Variants in HGF observed in about 807,000 individuals in gnomAD.
HGF encodes hepatocyte growth factor.
Under a neutral mutation model 111.6 loss-of-function variants are expected in HGF, and 39 were observed. That is an observed-to-expected ratio of 0.35 (90% CI 0.27 to 0.46). The LOEUF (loss-of-function observed/expected upper bound fraction) is 0.46, where lower values mean the gene tolerates loss of function less well. Ranked by LOEUF, HGF falls within the 20% of genes least tolerant of loss-of-function variation. The pLI, the probability that HGF is intolerant of heterozygous loss-of-function variation, is 1.00. For missense variants in HGF, 735 were observed against 910.5 expected, an observed-to-expected ratio of 0.81 and a Z score of 2.48; for synonymous variants, 285 against 294.8, an observed-to-expected ratio of 0.97 and a Z score of 0.34.
rs1418462868 is a variant in HGF at position 81,702,655 on chromosome 7, T to C, written c.2113A>G (p.Ile705Val). The C allele has an allele frequency of 3.1e-6, 5 of 1,611,656 alleles. No homozygotes were observed. The highest frequency in any genetic ancestry group is 2.7e-5 in the African/African-American group (2 of 74,882). The change falls in exon 18 of 18, where the codon ATT becomes GTT. Residue 705 changes from isoleucine to valine, a missense_variant. Coordinates refer to ENST00000222390, the MANE Select transcript of HGF (RefSeq NM_000601.6). Reference sequence around the variant, plus strand: ...GCATAATATGCTACTCGGACAAAAATACCAGGACGATTTGGAATGGCACAT... The same window carrying C: ...GCATAATATGCTACTCGGACAAAAACACCAGGACGATTTGGAATGGCACAT... ...RGCAIPNRPGIFVRVAYYAKW... is the reference protein window; with the variant it reads ...RGCAIPNRPGVFVRVAYYAKW...
intron 5 of HGF, among the ~76,000 whole-genome samples, chr7:81,747,120 C>T (rs945622559): frequency 3.3e-5 from 5 of 152,100 alleles, no homozygotes; most frequent in South Asian, 2.1e-4. Flanking sequence ...GGGCGGATCA[C>T]GAGGTCAGGA....
intron 4 of HGF, among the ~76,000 whole-genome samples, chr7:81,754,726 G>GTT (rs199817195): frequency 1.9e-4 from 29 of 150,716 alleles, no homozygotes; most frequent in South Asian, 4.2e-4. Flanking sequence ...TAAATTAACT[G>GTT]TTTTTTTTTG....
At chr7:81,729,023 T>TAAACAG (rs1379228136) in intron 8 of HGF, among the ~76,000 whole-genome samples, 2 of 19,150 alleles carry the variant, frequency 1.0e-4, no homozygotes, top group African/African-American at 1.5e-4. Flanking sequence ...ATGTAATTGA[T>TAAACAG]ACTCAAGGGC....
chr7:81,712,209 G>A (rs2115810574), intron 11 of HGF, among the ~76,000 whole-genome samples: 1 of 152,088 alleles, frequency 6.6e-6, no homozygotes, highest in Admixed American at 6.6e-5. Flanking sequence ...CCATTGAATA[G>A]CACTCGTGTT....
At chr7:81,739,525 G>A (rs1787937273) in intron 7 of HGF, among the ~76,000 whole-genome samples, 1 of 149,430 alleles carries the variant, frequency 6.7e-6, no homozygotes, top group Admixed American at 6.8e-5. Context: ...TATGTTTAAT[G>A]TATTTTCAAA....
chr7:81,718,695 G>A (rs539629825), intron 10 of HGF, among the ~76,000 whole-genome samples: 1 of 152,250 alleles, frequency 6.6e-6, no homozygotes, highest in South Asian at 2.1e-4. Flanking sequence ...GGTACTTTGA[G>A]GTATGTGTAC....
chr7:81,714,696 A>G (rs1184579630), intron 11 of HGF, among the ~76,000 whole-genome samples: 1 of 151,768 alleles, frequency 6.6e-6, no homozygotes, highest in African/African-American at 2.4e-5. Context: ...TTATTTTGTA[A>G]GCATGTTAAA....
At chr7:81,757,410 T>C in intron 3 of HGF, 107 bp from the exon 4 acceptor site, 4 of 681,344 alleles carry the variant, frequency 5.9e-6, no homozygotes, top group Non-Finnish European at 1.1e-5. Flanking sequence ...GTAAACTATT[T>C]CAAATAACAT....
At chr7:81,740,823 G>C (rs968614012) in intron 7 of HGF, among the ~76,000 whole-genome samples, 3 of 152,188 alleles carry the variant, frequency 2.0e-5, no homozygotes, top group Non-Finnish European at 4.4e-5. Context: ...TGAGACCTGA[G>C]GTGAGGTAGG....
At chr7:81,756,663 G>A (rs934648394) in intron 4 of HGF, 6 of 159,934 alleles carry the variant, frequency 3.8e-5, no homozygotes, top group South Asian at 1.8e-4. Flanking sequence ...TTGGAATCAT[G>A]GTGGGAGCTC....
At chr7:81,746,429 A>T (rs1164118203) in intron 5 of HGF, among the ~76,000 whole-genome samples, 1 of 152,246 alleles carries the variant, frequency 6.6e-6, no homozygotes, top group Non-Finnish European at 1.5e-5. Context: ...ATGCAATGTT[A>T]CATTTCAGCT....
At chr7:81,720,708 C>A (rs1296652377) in intron 10 of HGF, 37 bp downstream of exon 10, 26 of 1,150,300 alleles carry the variant, frequency 2.3e-5, no homozygotes, top group Non-Finnish European at 2.8e-5. Flanking sequence ...GTTGGTATCA[C>A]TACATTCTAT....
Position 81,699,364 on chromosome 7 carries a change from A to G in HGF, c.*3217T>C, listed in dbSNP as rs1162058616. ...TCCAACCTTAGTTGAATGTTGAATG[A>G]TAACTTCTTTTTGGACTTTATCATG... On this transcript the variant is annotated 3_prime_UTR_variant, in exon 18 of 18. Coordinates refer to ENST00000222390, the MANE Select transcript of HGF (RefSeq NM_000601.6). 1.3e-5 allele frequency: 2 copies of G among 151,618 alleles called. No individual in the cohort carries two copies. Among genetic ancestry groups the G allele is most frequent in the Non-Finnish European group, 3.0e-5 (2 of 67,664 alleles). The allele number at this position is 151,618 out of a possible 1,614,324, so 9.4% of individuals were successfully genotyped here.
chr7:81,720,616 C>A (rs575614996), intron 10 of HGF, 129 bp downstream of exon 10: 12 of 664,998 alleles, frequency 1.8e-5, no homozygotes, highest in African/African-American at 1.4e-4. Context: ...AAAGAAAAAC[C>A]AATCTAATGC....
chr7:81,762,106 A>G (rs1038856483), intron 2 of HGF, among the ~76,000 whole-genome samples: 3 of 152,292 alleles, frequency 2.0e-5, no homozygotes, highest in Admixed American at 6.5e-5. Flanking sequence ...ATGAGGTCAC[A>G]CAGGGACTGT....
intron 7 of HGF, among the ~76,000 whole-genome samples, chr7:81,736,238 TAAAC>T (rs1787820406): frequency 6.6e-6 from 1 of 152,102 alleles, no homozygotes; most frequent in Non-Finnish European, 1.5e-5. Context: ...ATTCCAGAAG[TAAAC>T]AATTCATACG....
At chr7:81,706,255 T>C (rs1272075697) in intron 15 of HGF, 32 bp downstream of exon 15, 2 of 1,606,432 alleles carry the variant, frequency 1.2e-6, no homozygotes, top group Non-Finnish European at 1.7e-6. Flanking sequence ...CTTGTCCAGG[T>C]GAAAAATACA....
chr7:81,734,406 T>G (rs550716452), intron 7 of HGF, among the ~76,000 whole-genome samples: 2 of 152,208 alleles, frequency 1.3e-5, no homozygotes, highest in Admixed American at 1.3e-4. Flanking sequence ...TATCGAAATT[T>G]TTCACTGTCC....
At chr7:81,725,457 G>C (rs1408029132) in intron 9 of HGF, among the ~76,000 whole-genome samples, 1 of 152,108 alleles carries the variant, frequency 6.6e-6, no homozygotes, top group Admixed American at 6.6e-5. Flanking sequence ...TGTTAAGCAA[G>C]TAAGATCTTA....
Sources: gnomAD v4.1 joint callset for allele counts (sites outside exome capture counted in the v4.1 genomes callset) on GRCh38, gnomAD v4.1.1 for gene constraint, MANE v1.5 for transcripts, NCBI Gene and HGNC (gene_info 2026-07-23, HGNC 2026-07-21) for gene names.